PARVG: variants seen among roughly 807,000 people sequenced by gnomAD.
PARVG encodes the protein parvin gamma.
PARVG carries 36 observed loss-of-function variants against 44.4 expected under a neutral mutation model. The ratio of observed to expected loss-of-function variants is 0.81; its 90% CI spans 0.62 to 1.07. PARVG has a LOEUF of 1.07. Ranked by LOEUF, PARVG falls within the 50% of genes least tolerant of loss-of-function variation. The probability of loss-of-function intolerance (pLI) is 0.00; values close to 1 mark genes in which losing one functional copy is unlikely to be tolerated. For synonymous variants in PARVG, 170 were observed against 174.1 expected (o/e 0.98, Z 0.19); for missense variants, 407 against 407.4 (o/e 1.00, Z 0.01).
rs1344770777 is a variant in PARVG at position 44,198,684 on chromosome 22, A to G, written c.775A>G (p.Lys259Glu). 1 of 1,613,838 alleles carries G rather than the reference A, an allele frequency of 6.2e-7. No individual in the cohort carries two copies. The highest frequency in any genetic ancestry group is 1.7e-5 in the Admixed American group (1 of 60,022). The part of the protein sequence containing the change: ...GQLEGFFLHL[K>E]EFYLTPNSPA... ...ACTTGAAGGCTTCTTCCTGCACTTAAAGGAATTCTACCTCACTCCCAACTC... is the reference window on the plus strand; with the variant it reads ...ACTTGAAGGCTTCTTCCTGCACTTAGAGGAATTCTACCTCACTCCCAACTC... The change falls in exon 12 of 14, where the codon AAG becomes GAG. Residue 259 changes from lysine to glutamate, a missense_variant. Transcript: ENST00000444313.
intron 12 of PARVG, among the ~76,000 whole-genome samples, 195 bp downstream of exon 12, chr22:44,198,917 TCCATCTACCCATCCATCCATCCAC>T (rs1397969606): frequency 9.5e-5 from 4 of 42,066 alleles, no homozygotes; most frequent in South Asian, 8.3e-4. Flanking sequence ...TACCCATCCA[TCCATCTACCCATCCATCCATCCAC>T]CCACCCATCC....
In PARVG at chr22:44,190,564, G is replaced by A. The variant is rs1482031347; in HGVS notation, c.402G>A (p.Lys134=). The A allele has an allele frequency of 6.2e-7, 1 of 1,614,102 alleles. No individual in the cohort carries two copies. The highest frequency in any genetic ancestry group is 8.5e-7 in the Non-Finnish European group (1 of 1,179,942). The change falls in exon 7 of 14, where the codon AAG becomes AAA. Residue 134 remains lysine (K), a synonymous_variant. Transcript: ENST00000444313. ...CTCTCTTCCCAGGCATCTTCAACAA[G>A]GACCTGTTGTCTACCCTGCACCTCC... ...AKWSVESIFN[K]DLLSTLHLLV... is the part of the protein sequence containing the mutation.
At chr22:44,195,450 T>G (rs1301619551) in intron 9 of PARVG, among the ~76,000 whole-genome samples, 1 of 152,150 alleles carries the variant, frequency 6.6e-6, no homozygotes, top group South Asian at 2.1e-4. Flanking sequence ...CAAGGACCAG[T>G]GTCCCCATGG....
upstream of PARVG, among the ~76,000 whole-genome samples, chr22:44,176,885 G>A (rs1306318591): frequency 2.0e-5 from 3 of 152,072 alleles, no homozygotes; most frequent in Non-Finnish European, 2.9e-5. Context: ...CTTACATGGC[G>A]GCAGGCAAAA....
At chr22:44,202,263 G>T (rs780774159) in intron 12 of PARVG, among the ~76,000 whole-genome samples, 1 of 152,200 alleles carries the variant, frequency 6.6e-6, no homozygotes, top group Non-Finnish European at 1.5e-5. Context: ...TGAAGCCAAG[G>T]CTGAGACTGG....
intron 2 of PARVG, chr22:44,183,040 G>T: frequency 2.2e-6 from 1 of 450,488 alleles, no homozygotes; most frequent in Admixed American, 4.5e-5. Flanking sequence ...CGGCCGCTCT[G>T]CACCTGCCTG....
At chr22:44,181,957 G>T (rs988389937) in intron 2 of PARVG, 40 bp downstream of exon 2, 6 of 985,360 alleles carry the variant, frequency 6.1e-6, no homozygotes, top group Middle Eastern at 5.2e-4. Context: ...TGAGTGTTGG[G>T]GGTCACGGAG....
At chr22:44,195,730 G>A (rs966828850) in intron 9 of PARVG, among the ~76,000 whole-genome samples, 13 of 152,232 alleles carry the variant, frequency 8.5e-5, no homozygotes, top group African/African-American at 3.1e-4. Context: ...ACCTGTGGCA[G>A]CTCCCGTGGC....
In PARVG at chr22:44,190,779, T is replaced by A. The variant is rs2054537440; in HGVS notation, c.504+113T>A. 17 of 860,204 alleles carry A rather than the reference T, an allele frequency of 2.0e-5. No individual in the cohort carries two copies. In the South Asian group the frequency reaches 2.4e-4, roughly 12 times the overall value. The allele number at this position is 860,204 out of a possible 1,614,324, so 53.3% of individuals were successfully genotyped here. ...GGGCGGGGCTGACCCAGGGTGAGTT[T>A]CAGGGAACCCTGAGAAATAGAATCC... On this transcript the variant is annotated intron_variant, in intron 7 of 13. Coordinates refer to ENST00000444313, the MANE Select transcript of PARVG (RefSeq NM_022141.7).
chr22:44,195,641 C>CG (rs900888102), intron 9 of PARVG, among the ~76,000 whole-genome samples: 4 of 152,060 alleles, frequency 2.6e-5, no homozygotes, highest in African/African-American at 9.7e-5. Flanking sequence ...CTCTTGGGGG[C>CG]GGGGGGAGGC....
chr22:44,200,762 C>T (rs2054696434), intron 12 of PARVG, among the ~76,000 whole-genome samples: 1 of 152,210 alleles, frequency 6.6e-6, no homozygotes, highest in South Asian at 2.1e-4. Context: ...TTCACATGCT[C>T]AGGGCGTCCT....
chr22:44,206,526 C>A lies in PARVG; in HGVS notation c.*100C>A, dbSNP rs62226663. 37,303 of 1,014,724 alleles carry A rather than the reference C, an allele frequency of 0.037. 871 individuals are homozygous for A. The highest frequency in any genetic ancestry group is 0.045 in the Non-Finnish European group (29,079 of 652,606). The allele number at this position is 1,014,724 out of a possible 1,614,324, so 62.9% of individuals were successfully genotyped here. On this transcript the variant is annotated 3_prime_UTR_variant, in exon 14 of 14. Transcript: ENST00000444313. ...ACAGTCCCGCTGTTTCCTGTGCATT[C>A]GTGACCCGCTTCCCTCCCACCCTGT...
chr22:44,194,801 C>T (rs984820068), intron 9 of PARVG, among the ~76,000 whole-genome samples: 2 of 151,764 alleles, frequency 1.3e-5, no homozygotes, highest in African/African-American at 4.8e-5. Flanking sequence ...ATCCATCCAT[C>T]CATACACCCA....
chr22:44,180,243 C>G (rs2054358054), upstream of PARVG, among the ~76,000 whole-genome samples: 1 of 152,182 alleles, frequency 6.6e-6, no homozygotes, highest in African/African-American at 2.4e-5. Context: ...GCCACCCACT[C>G]CCTCCTTCAC....
chr22:44,199,896 G>A (rs1040619886), intron 12 of PARVG, among the ~76,000 whole-genome samples: 6 of 152,190 alleles, frequency 3.9e-5, no homozygotes, highest in Admixed American at 1.3e-4. Flanking sequence ...CAGTTCCCAC[G>A]TGGACCCTAG....
intron 12 of PARVG, among the ~76,000 whole-genome samples, chr22:44,202,362 G>A (rs559170005): frequency 2.6e-5 from 4 of 152,326 alleles, no homozygotes; most frequent in South Asian, 2.1e-4. Context: ...GACCACCTGC[G>A]GGCTGAGGGC....
At chr22:44,194,006 C>T (rs1444809127) in intron 9 of PARVG, among the ~76,000 whole-genome samples, 183 bp downstream of exon 9, 1 of 152,192 alleles carries the variant, frequency 6.6e-6, no homozygotes, top group Non-Finnish European at 1.5e-5. Context: ...GAGCTGGCTG[C>T]TCCTTCTCAT....
chr22:44,185,432 G>C, intron 3 of PARVG: 1 of 176,034 alleles, frequency 5.7e-6, no homozygotes, highest in Non-Finnish European at 1.2e-5. Context: ...GAGGGGCCTG[G>C]CAGACCTGGG....
intron 3 of PARVG, 35 bp from the exon 4 acceptor site, chr22:44,185,773 T>C (rs2054456589): frequency 1.3e-6 from 2 of 1,585,992 alleles, no homozygotes; most frequent in African/African-American, 2.7e-5. Flanking sequence ...CCCCACAGGG[T>C]CCCCATGCGC....
Sources: allele counts gnomAD v4.1 joint callset (sites outside exome capture counted in the v4.1 genomes callset), GRCh38; gene constraint gnomAD v4.1.1; transcripts MANE v1.5; gene names NCBI Gene and HGNC (gene_info 2026-07-23, HGNC 2026-07-21).